The following XRCC4 variants were observed in gnomAD, a reference collection of about 807,000 sequenced individuals.
XRCC4 encodes the protein X-ray repair cross complementing 4.
In XRCC4, 28 loss-of-function variants were observed where a neutral mutation model predicts 39.1. The ratio of observed to expected loss-of-function variants is 0.72; its 90% CI spans 0.53 to 0.98. The LOEUF (loss-of-function observed/expected upper bound fraction) is 0.98, where lower values mean the gene tolerates loss of function less well. Among genes scored for constraint, XRCC4 ranks in the 50% least tolerant of loss-of-function variants. XRCC4 has a pLI of 0.00. For missense variants in XRCC4, 350 were observed against 376.4 expected (o/e 0.93, Z 0.58); for synonymous variants, 123 against 126.4 (o/e 0.97, Z 0.18).
At chr5:83,363,302 A>T in the XRCC4 span, among the ~76,000 whole-genome samples, 2 of 152,138 alleles carry the variant, frequency 1.3e-5, no homozygotes, top group Non-Finnish European at 1.5e-5. Context: ...ATCTTGTGGC[A>T]GGAGTGAACC....
chr5:83,265,750 T>C (rs1227704219), intron 7 of XRCC4, among the ~76,000 whole-genome samples: 3 of 152,136 alleles, frequency 2.0e-5, no homozygotes, highest in Non-Finnish European at 2.9e-5. Context: ...GATTATTAAA[T>C]GTATCATAGG....
At chr5:83,199,863 G>A (rs762160504) in intron 4 of XRCC4, among the ~76,000 whole-genome samples, 2 of 152,002 alleles carry the variant, frequency 1.3e-5, no homozygotes, top group Non-Finnish European at 2.9e-5. Flanking sequence ...CCTAGTTATT[G>A]TAGAAAGGAT....
rs1316662145 is a variant in XRCC4 at position 83,258,707 on chromosome 5, G to C, written c.893+30G>C. Reference sequence around the variant, plus strand: ...GTCATTTTATTCTTTGCCAAGAAGTGAGATGACATTTTTGAAAATCTAGCA... The same window carrying C: ...GTCATTTTATTCTTTGCCAAGAAGTCAGATGACATTTTTGAAAATCTAGCA... On this transcript the variant is annotated intron_variant, in intron 7 of 7. Transcript: ENST00000396027. 1.9e-6 allele frequency: 3 copies of C among 1,597,182 alleles called. No individual in the cohort carries two copies. In the African/African-American group the frequency reaches 4.1e-5, roughly 22 times the overall value.
intron 7 of XRCC4, among the ~76,000 whole-genome samples, chr5:83,264,202 G>T (rs1049058748): frequency 6.6e-6 from 1 of 152,064 alleles, no homozygotes; most frequent in Non-Finnish European, 1.5e-5. Context: ...CTTTTGTTTT[G>T]AGAAGTTATT....
At chr5:83,138,874 C>T (rs937109622) in intron 3 of XRCC4, among the ~76,000 whole-genome samples, 1 of 151,858 alleles carries the variant, frequency 6.6e-6, no homozygotes, top group Non-Finnish European at 1.5e-5. Context: ...AGTTCTTGGT[C>T]ATTTATGTGT....
At chr5:83,308,055 G>A (rs536777205) in intron 7 of XRCC4, among the ~76,000 whole-genome samples, 2 of 152,230 alleles carry the variant, frequency 1.3e-5, no homozygotes, top group Admixed American at 1.3e-4. Flanking sequence ...GTATTTTGGA[G>A]GACCAAGAAA....
intron 6 of XRCC4, among the ~76,000 whole-genome samples, chr5:83,227,776 G>A (rs937524526): frequency 1.3e-4 from 19 of 151,900 alleles, no homozygotes; most frequent in Admixed American, 9.9e-4. Context: ...GTTCTACTCA[G>A]GCTTTTTCTC....
At chr5:83,092,046 C>T (rs913172621) in intron 1 of XRCC4, among the ~76,000 whole-genome samples, 1 of 152,024 alleles carries the variant, frequency 6.6e-6, no homozygotes, top group Non-Finnish European at 1.5e-5. Flanking sequence ...TGATAGTGGC[C>T]ATTCTCACAG....
intron 7 of XRCC4, among the ~76,000 whole-genome samples, chr5:83,324,001 T>C (rs972247335): frequency 6.6e-6 from 1 of 152,114 alleles, no homozygotes; most frequent in African/African-American, 2.4e-5. Flanking sequence ...TAGAGTTGCA[T>C]AATTTGCCAC....
chr5:83,356,099 TA>T (rs60569345), downstream of XRCC4, among the ~76,000 whole-genome samples: 18 of 151,988 alleles, frequency 1.2e-4, no homozygotes, highest in South Asian at 4.1e-4. Flanking sequence ...AAAAAACTTT[TA>T]AATATATGAA....
At chr5:83,126,267 CACTGT>C (rs547448924) in intron 3 of XRCC4, among the ~76,000 whole-genome samples, 132 of 152,104 alleles carry the variant, frequency 8.7e-4, no homozygotes, top group African/African-American at 3.1e-3. Context: ...GTCTTTTTGG[CACTGT>C]TATAAGTGGT....
intron 3 of XRCC4, among the ~76,000 whole-genome samples, chr5:83,151,050 T>C (rs1748679481): frequency 6.6e-6 from 1 of 152,146 alleles, no homozygotes; most frequent in South Asian, 2.1e-4. Flanking sequence ...AAAATAAAGC[T>C]GTGCATTTTA....
intron 1 of XRCC4, among the ~76,000 whole-genome samples, chr5:83,103,025 T>TATATATATACATAC (rs943955057): frequency 7.0e-6 from 1 of 142,660 alleles, no homozygotes; most frequent in African/African-American, 2.8e-5. Context: ...TATATATATA[T>TATATATATACATAC]ATATATGTCA....
chr5:83,085,028 C>G (rs1030012002), intron 1 of XRCC4, among the ~76,000 whole-genome samples: 1 of 152,160 alleles, frequency 6.6e-6, no homozygotes, highest in Admixed American at 6.5e-5. Context: ...GACATTGTAT[C>G]CTGAATTTGT....
chr5:83,170,901 CT>C (rs1174492304), intron 3 of XRCC4, among the ~76,000 whole-genome samples: 1 of 152,152 alleles, frequency 6.6e-6, no homozygotes, highest in Non-Finnish European at 1.5e-5. Flanking sequence ...TTGGCTACTA[CT>C]AAGATAATAG....
At chr5:83,216,799 G>A (rs1751876514) in intron 6 of XRCC4, among the ~76,000 whole-genome samples, 1 of 152,092 alleles carries the variant, frequency 6.6e-6, no homozygotes, top group African/African-American at 2.4e-5. Flanking sequence ...TTAAATGTTT[G>A]CTAAAGCTTG....
At chr5:83,306,206 C>A (rs930505142) in intron 7 of XRCC4, among the ~76,000 whole-genome samples, 6 of 151,978 alleles carry the variant, frequency 3.9e-5, no homozygotes, top group Admixed American at 1.3e-4. Context: ...ATAATCAGTA[C>A]TTTTATATAT....
In XRCC4 at chr5:83,195,641, C is replaced by G. The variant is rs368537329; in HGVS notation, c.316-129C>G. The G allele has an allele frequency of 2.1e-5, 19 of 886,606 alleles. No homozygotes were observed. In the African/African-American group the frequency reaches 2.9e-4, roughly 13 times the overall value. The allele number at this position is 886,606 out of a possible 1,614,324, so 54.9% of individuals were successfully genotyped here. A position where few individuals can be genotyped will look rare whatever the true frequency, so the allele number is the denominator to read the frequency against. ...GTTTTTTTGCTCACTGTTTGTATAT[C>G]TTGTAAATGCATTGTATTTAAATCC... On this transcript the variant is annotated intron_variant, in intron 3 of 7. Coordinates refer to ENST00000396027, the MANE Select transcript of XRCC4 (RefSeq NM_003401.5).
chr5:83,339,986 T>C (rs1464930869), intron 7 of XRCC4, among the ~76,000 whole-genome samples: 1 of 152,136 alleles, frequency 6.6e-6, no homozygotes, highest in Non-Finnish European at 1.5e-5. Context: ...ACTCAATAAA[T>C]AGTGGATGGG....
Sources: allele counts gnomAD v4.1 joint callset (sites outside exome capture counted in the v4.1 genomes callset), GRCh38; gene constraint gnomAD v4.1.1; transcripts MANE v1.5; gene names NCBI Gene and HGNC (gene_info 2026-07-23, HGNC 2026-07-21).